Variants in JAK1 observed in about 807,000 individuals in gnomAD.
JAK1 encodes tyrosine-protein kinase JAK1.
Under a neutral mutation model 136.6 loss-of-function variants are expected in JAK1, and 16 were observed. That is an observed-to-expected ratio of 0.12 (90% CI 0.08 to 0.18). The LOEUF is 0.18. JAK1 is among the 10% of genes least tolerant of loss of function. The pLI is 1.00. For synonymous variants in JAK1, 492 were observed against 519.5 expected (o/e 0.95, Z 0.72); for missense variants, 859 against 1,450.1 (o/e 0.59, Z 6.62).
intron 1 of JAK1, among the ~76,000 whole-genome samples, chr1:64,900,787 A>AAG (rs1395414738): frequency 1.3e-5 from 2 of 152,184 alleles, no homozygotes; most frequent in Non-Finnish European, 2.9e-5. Flanking sequence ...CTTAGGTGAC[A>AAG]TGGCTTACAA....
At chr1:64,955,847 C>T (rs1646177057) in intron 1 of JAK1, among the ~76,000 whole-genome samples, 1 of 152,054 alleles carries the variant, frequency 6.6e-6, no homozygotes, top group Admixed American at 6.6e-5. Context: ...CTGAAAGGGC[C>T]TAGGGAGGAG....
At chr1:65,062,154 C>A (rs1273963929) in intron 1 of JAK1, among the ~76,000 whole-genome samples, 1 of 152,134 alleles carries the variant, frequency 6.6e-6, no homozygotes, top group Non-Finnish European at 1.5e-5. Flanking sequence ...TTTATAAATA[C>A]ATGACTGGCC....
At chr1:64,858,013 A>G (rs1656050931) in intron 9 of JAK1, among the ~76,000 whole-genome samples, 1 of 152,138 alleles carries the variant, frequency 6.6e-6, no homozygotes. Flanking sequence ...ACTCCTGCCC[A>G]AGGCAATGAG....
chr1:64,867,156 G>A lies in JAK1; in HGVS notation c.700C>T (p.Leu234Phe), dbSNP rs1011933184. The A allele has an allele frequency of 8.1e-6, 13 of 1,610,828 alleles. No homozygotes were observed. The highest frequency in any genetic ancestry group is 1.7e-5 in the Admixed American group (1 of 59,998). The change falls in exon 7 of 25, where the codon CTT (leucine) becomes TTT (phenylalanine). Residue 234 changes from leucine (L) to phenylalanine (F), a missense_variant. Leu to Phe is a conservative substitution (Grantham distance 22). Coordinates refer to ENST00000342505, the MANE Select transcript of JAK1 (RefSeq NM_002227.4). ...TLNKSIRQRN[L>F]LTRMRINNVF... ...TTATTTATCCGCATCCTGGTGAGAA[G>A]GTTCCTCTGTCTGATGGACTTATTC... is the stretch of plus-strand genomic sequence containing the variant.
intron 1 of JAK1, among the ~76,000 whole-genome samples, chr1:64,901,224 C>CT: frequency 6.6e-6 from 1 of 152,330 alleles, no homozygotes; most frequent in South Asian, 2.1e-4. Context: ...CATGCCTTCT[C>CT]TGACTATCCC....
intron 2 of JAK1, chr1:64,990,916 T>C (rs1646649501): frequency 1.1e-5 from 1 of 91,560 alleles, no homozygotes; most frequent in African/African-American, 4.8e-5. Flanking sequence ...CGAGACTCCG[T>C]CTCAAAAAAA....
chr1:64,932,282 A>T (rs1645709256), intron 1 of JAK1, among the ~76,000 whole-genome samples: 1 of 152,158 alleles, frequency 6.6e-6, no homozygotes, highest in African/African-American at 2.4e-5. Flanking sequence ...GTGTGGTGGC[A>T]CATGCCTGTA....
intron 1 of JAK1, among the ~76,000 whole-genome samples, chr1:64,931,524 G>C (rs573183665): frequency 6.6e-6 from 1 of 151,860 alleles, no homozygotes; most frequent in Non-Finnish European, 1.5e-5. Context: ...CATGGTGGGT[G>C]TCCTACCATG....
chr1:64,967,666 A>C (rs1322958965), upstream of JAK1, among the ~76,000 whole-genome samples: 1 of 152,212 alleles, frequency 6.6e-6, no homozygotes. Context: ...TGTGGAATAA[A>C]GTCAAGCATC....
intron 2 of JAK1, among the ~76,000 whole-genome samples, chr1:64,978,093 C>A (rs1051415395): frequency 6.6e-6 from 1 of 152,084 alleles, no homozygotes; most frequent in African/African-American, 2.4e-5. Context: ...TCCTGGCCAA[C>A]GTGGTGAAAC....
intron 1 of JAK1, among the ~76,000 whole-genome samples, chr1:64,887,430 A>C (rs897827571): frequency 6.6e-6 from 1 of 152,216 alleles, no homozygotes; most frequent in African/African-American, 2.4e-5. Context: ...AACTAGCTAC[A>C]TGCTAATGCC....
intron 1 of JAK1, among the ~76,000 whole-genome samples, chr1:65,054,009 T>C (rs1170459812): frequency 6.6e-6 from 1 of 152,178 alleles, no homozygotes; most frequent in Non-Finnish European, 1.5e-5. Context: ...CAGGATCTGG[T>C]GGAGGTAGTC....
At position 64,894,923 on chromosome 1, in the gene JAK1, A is replaced by C. The variant is rs564056546; in HGVS notation, c.-77-8582T>G. On this transcript the variant is annotated intron_variant, in intron 1 of 24. Coordinates refer to ENST00000342505, the MANE Select transcript of JAK1 (RefSeq NM_002227.4). ...CCCTGCCAACAAAGACTCCAATCTT[A>C]AACTGCTGGCAGAGCTCTCAGCGAA... Among the ~76,000 whole-genome samples the C allele has an allele frequency of 1.7e-4, 26 of 152,298 alleles. No homozygotes were observed. In the South Asian group the frequency reaches 5.4e-3, roughly 32 times the overall value.
chr1:64,849,551 G>A (rs891153276), intron 12 of JAK1, among the ~76,000 whole-genome samples: 2 of 152,190 alleles, frequency 1.3e-5, no homozygotes, highest in African/African-American at 2.4e-5. Context: ...AGCTATCTCC[G>A]TCCTCTCAAG....
intron 2 of JAK1, among the ~76,000 whole-genome samples, chr1:65,033,450 G>A (rs559035449): frequency 3.3e-5 from 5 of 151,934 alleles, no homozygotes; most frequent in African/African-American, 1.2e-4. Flanking sequence ...GCCTCTCAAG[G>A]GGCTGGAATT....
At chr1:64,860,407 AC>A in intron 8 of JAK1, 145 bp from the exon 9 acceptor site, 1 of 381,006 alleles carries the variant, frequency 2.6e-6, no homozygotes, top group African/African-American at 2.1e-5. Flanking sequence ...TACTAAATAT[AC>A]CCCTTGCATG....
At chr1:64,886,774 AC>A (rs1189695556) in intron 1 of JAK1, among the ~76,000 whole-genome samples, 2 of 147,160 alleles carry the variant, frequency 1.4e-5, no homozygotes, top group African/African-American at 5.2e-5. Context: ...ACACACACAC[AC>A]ACACACACAC....
rs2101131741 is a variant in JAK1 at position 64,869,408 on chromosome 1, C to A, written c.550G>T (p.Asp184Tyr). Residue 184 changes from aspartate (D) to tyrosine (Y), a missense_variant, in exon 6 of 25, where the codon GAT (aspartate) becomes TAT (tyrosine). By Grantham distance (160) the Asp-to-Tyr change is radical (BLOSUM62 -3). This residue lies in a region of JAK1 where 353 missense variants were observed against 494.0 expected (regional missense o/e 0.71). Transcript: ENST00000342505. ...RDPKTEQDGH[D>Y]IENECLGMAV... ...ATCCCTAGACACTCGTTCTCAATAT[C>A]ATGTCCATCCTGCTCGGTCTTGGGG... The A allele has an allele frequency of 1.2e-6, 2 of 1,613,898 alleles. No homozygotes were observed. Among genetic ancestry groups the A allele is most frequent in the Non-Finnish European group, 1.7e-6 (2 of 1,179,830 alleles).
intron 4 of JAK1, chr1:64,875,940 G>C (rs1312393031): frequency 2.0e-5 from 3 of 152,342 alleles, no homozygotes; most frequent in Non-Finnish European, 2.9e-5. Flanking sequence ...GAAGGAAGGA[G>C]TGAACCAGCT....
Sources: gnomAD v4.1 joint callset for allele counts (sites outside exome capture counted in the v4.1 genomes callset) on GRCh38, gnomAD v4.1.1 for gene constraint, gnomAD v4.1.1 regional missense constraint, MANE v1.5 for transcripts, NCBI Gene and HGNC (gene_info 2026-07-23, HGNC 2026-07-21) for gene names.